CALCR: variants seen among roughly 807,000 people sequenced by gnomAD.
CALCR encodes calcitonin receptor.
A neutral mutation model predicts 59.5 loss-of-function variants in CALCR; 47 were observed. The observed-to-expected ratio is 0.79, with a 90% CI of 0.63 to 1.01. The LOEUF (loss-of-function observed/expected upper bound fraction) is 1.01, where lower values mean the gene tolerates loss of function less well. CALCR is among the 50% of genes least tolerant of loss of function. The pLI is 0.00. For synonymous variants in CALCR, 213 were observed against 211.3 expected, an observed-to-expected ratio of 1.01 and a Z score of -0.07; for missense variants, 566 against 597.1, an observed-to-expected ratio of 0.95 and a Z score of 0.54.
At chr7:93,435,104 A>G (rs530649030) in intron 12 of CALCR, among the ~76,000 whole-genome samples, 3 of 152,224 alleles carry the variant, frequency 2.0e-5, no homozygotes, top group Non-Finnish European at 2.9e-5. Flanking sequence ...TAGGGCAGCC[A>G]TTCTCCTATC....
At chr7:93,549,528 G>T (rs1789392486) in intron 2 of CALCR, among the ~76,000 whole-genome samples, 1 of 152,122 alleles carries the variant, frequency 6.6e-6, no homozygotes, top group Non-Finnish European at 1.5e-5. Context: ...TGGAGACTAA[G>T]AGATGAAGTT....
At chr7:93,440,873 C>T (rs17165447) in intron 9 of CALCR, among the ~76,000 whole-genome samples, 9,220 of 152,080 alleles carry the variant, frequency 0.061, 403 homozygotes, top group Admixed American at 0.14. Flanking sequence ...TCTGTGCTTA[C>T]GTTACTAAGT....
At chr7:93,498,938 GA>G (rs551040954) in intron 2 of CALCR, among the ~76,000 whole-genome samples, 8 of 149,524 alleles carry the variant, frequency 5.4e-5, no homozygotes, top group East Asian at 3.9e-4. Context: ...TGGCATAATG[GA>G]AAAAAAAATA....
intron 7 of CALCR, among the ~76,000 whole-genome samples, chr7:93,463,780 G>A (rs938144953): frequency 1.1e-4 from 16 of 151,868 alleles, no homozygotes; most frequent in Non-Finnish European, 1.9e-4. Flanking sequence ...GAGAGAAGCC[G>A]ACAACATTTT....
intron 2 of CALCR, among the ~76,000 whole-genome samples, chr7:93,514,326 C>T (rs560084614): frequency 1.3e-5 from 2 of 151,960 alleles, no homozygotes. Context: ...TGAGGTTGGC[C>T]ACATATTTAG....
chr7:93,539,031 A>G (rs951701784), intron 2 of CALCR, among the ~76,000 whole-genome samples: 2 of 152,146 alleles, frequency 1.3e-5, no homozygotes, highest in African/African-American at 4.8e-5. Flanking sequence ...TTCATCTCTT[A>G]GAAGAATCTA....
intron 2 of CALCR, among the ~76,000 whole-genome samples, chr7:93,539,341 G>A (rs886753178): frequency 6.6e-6 from 1 of 151,574 alleles, no homozygotes; most frequent in Non-Finnish European, 1.5e-5. Flanking sequence ...TAGAGTAGGT[G>A]TATGATGATT....
At chr7:93,434,371 G>T (rs1799726992) in intron 12 of CALCR, 77 bp from the exon 13 acceptor site, 2 of 872,236 alleles carry the variant, frequency 2.3e-6, no homozygotes, top group Admixed American at 2.2e-5. Flanking sequence ...ATAATAGACT[G>T]CCCAGAGAAG....
chr7:93,450,413 A>T (rs1380870902), intron 8 of CALCR, among the ~76,000 whole-genome samples: 1 of 151,960 alleles, frequency 6.6e-6, no homozygotes, highest in Admixed American at 6.6e-5. Context: ...TGGACTCCAC[A>T]TTCACATGGT....
intron 2 of CALCR, among the ~76,000 whole-genome samples, chr7:93,535,162 AACTC>A (rs1256452601): frequency 6.6e-6 from 1 of 151,708 alleles, no homozygotes; most frequent in Non-Finnish European, 1.5e-5. Flanking sequence ...ATGAAAGTAA[AACTC>A]ACTATTATTG....
intron 2 of CALCR, among the ~76,000 whole-genome samples, chr7:93,517,195 G>A (rs1201630900): frequency 3.3e-5 from 5 of 150,332 alleles, no homozygotes; most frequent in Non-Finnish European, 7.4e-5. Flanking sequence ...TACCTATCAC[G>A]CTGCCAGGCA....
intron 9 of CALCR, 67 bp downstream of exon 9, chr7:93,443,537 G>T: frequency 1.4e-6 from 2 of 1,453,524 alleles, no homozygotes; most frequent in South Asian, 1.2e-5. Context: ...ACCAAGACTA[G>T]AAGAAGACTG....
chr7:93,540,432 A>G (rs1789102496), intron 2 of CALCR, among the ~76,000 whole-genome samples: 1 of 152,164 alleles, frequency 6.6e-6, no homozygotes. Flanking sequence ...TTGAGATCCA[A>G]TAAAATGTTT....
intron 7 of CALCR, among the ~76,000 whole-genome samples, chr7:93,464,825 A>G (rs1041157902): frequency 6.6e-6 from 1 of 151,932 alleles, no homozygotes; most frequent in African/African-American, 2.4e-5. Flanking sequence ...GCAGCTAGAG[A>G]TGTATAATGG....
At chr7:93,549,502 A>G (rs1440806204) in intron 2 of CALCR, among the ~76,000 whole-genome samples, 1 of 152,182 alleles carries the variant, frequency 6.6e-6, no homozygotes, top group Non-Finnish European at 1.5e-5. Flanking sequence ...GTTAAATAAC[A>G]TAAAGACAAT....
intron 2 of CALCR, among the ~76,000 whole-genome samples, chr7:93,568,553 C>G (rs1041497750): frequency 2.3e-4 from 31 of 137,692 alleles, no homozygotes; most frequent in African/African-American, 8.5e-4. Context: ...CTCTCTCTCT[C>G]TCTGTCTCTC....
At chr7:93,469,113 G>A (rs748890685) in intron 6 of CALCR, among the ~76,000 whole-genome samples, 1 of 151,690 alleles carries the variant, frequency 6.6e-6, no homozygotes, top group Non-Finnish European at 1.5e-5. Context: ...AAGCAATCCT[G>A]GTAGTTTTTT....
At position 93,447,564 on chromosome 7, in the gene CALCR, T is replaced by C. The variant is rs1382595046; in HGVS notation, c.649-3807A>G. 2.6e-5 allele frequency among the ~76,000 whole-genome samples: 4 copies of C among 151,888 alleles called. No individual in the cohort carries two copies. In the South Asian group the frequency reaches 8.3e-4, roughly 32 times the overall value. ...ATGAGAAATAGAGGAAGACCTTAAG[T>C]ATGAGAAATAGAAAGGAGACCAGAG... On this transcript the variant is annotated intron_variant, in intron 8 of 13. Coordinates refer to ENST00000426151, the MANE Select transcript of CALCR (RefSeq NM_001742.4).
intron 8 of CALCR, among the ~76,000 whole-genome samples, chr7:93,457,626 G>A (rs966476569): frequency 1.4e-4 from 22 of 152,130 alleles, no homozygotes; most frequent in African/African-American, 2.7e-4. Flanking sequence ...GGCCTGCTCC[G>A]TACAGAGAGT....
Sources: allele counts gnomAD v4.1 joint callset (sites outside exome capture counted in the v4.1 genomes callset), GRCh38; gene constraint gnomAD v4.1.1; transcripts MANE v1.5; gene names NCBI Gene and HGNC (gene_info 2026-07-23, HGNC 2026-07-21).